Variants in PAG1 observed in about 807,000 individuals in gnomAD.
PAG1 encodes the protein phosphoprotein associated with glycosphingolipid-enriched microdomains 1.
Under a neutral mutation model 31.7 loss-of-function variants are expected in PAG1, and 23 were observed. The ratio of observed to expected loss-of-function variants is 0.73; its 90% CI spans 0.52 to 1.03. PAG1 has a LOEUF of 1.03. Among genes scored for constraint, PAG1 ranks in the 50% least tolerant of loss-of-function variants. The pLI is 0.00. For missense variants in PAG1, 473 were observed against 540.7 expected (o/e 0.87, Z 1.24); for synonymous variants, 214 against 210.3 (o/e 1.02, Z -0.15).
chr8:81,054,169 T>C (rs187884289), intron 2 of PAG1, among the ~76,000 whole-genome samples: 2 of 152,304 alleles, frequency 1.3e-5, no homozygotes, highest in Non-Finnish European at 2.9e-5. Flanking sequence ...GGCAAATTTC[T>C]ATGCTAAGAA....
chr8:81,003,612 T>C (rs752962525), intron 3 of PAG1, among the ~76,000 whole-genome samples: 4 of 152,212 alleles, frequency 2.6e-5, no homozygotes, highest in Non-Finnish European at 1.5e-5. Flanking sequence ...ACTGAATTGC[T>C]GTGTGGCCTG....
chr8:81,020,879 A>T (rs142372168), intron 3 of PAG1, among the ~76,000 whole-genome samples: 69 of 152,368 alleles, frequency 4.5e-4, no homozygotes, highest in African/African-American at 1.6e-3. Context: ...GACCTCCAAC[A>T]CACATTCAGA....
At chr8:81,067,615 A>C (rs1359708359) in intron 2 of PAG1, 1 of 152,244 alleles carries the variant, frequency 6.6e-6, no homozygotes, top group Admixed American at 6.5e-5. Context: ...AATGCGAGAC[A>C]AAAGCTGGCT....
chr8:80,986,267 C>A (rs1166640567), intron 6 of PAG1, among the ~76,000 whole-genome samples: 1 of 152,178 alleles, frequency 6.6e-6, no homozygotes, highest in African/African-American at 2.4e-5. Context: ...TGTTCTAAAT[C>A]CCTGATCATC....
chr8:81,102,914 G>C (rs1212684255), intron 1 of PAG1, among the ~76,000 whole-genome samples: 1 of 152,116 alleles, frequency 6.6e-6, no homozygotes, highest in Non-Finnish European at 1.5e-5. Context: ...AAAACCAATA[G>C]TTTAAAATTA....
chr8:81,044,784 T>C (rs1023913036), intron 2 of PAG1, among the ~76,000 whole-genome samples: 1 of 152,146 alleles, frequency 6.6e-6, no homozygotes, highest in African/African-American at 2.4e-5. Context: ...GGATGTTTCC[T>C]ATGTCAGTGC....
chr8:81,052,080 A>G (rs1808742072), intron 2 of PAG1, among the ~76,000 whole-genome samples: 2 of 151,222 alleles, frequency 1.3e-5, no homozygotes, highest in Non-Finnish European at 2.9e-5. Context: ...CGGTGAGCCG[A>G]TATCATGCCA....
intron 2 of PAG1, among the ~76,000 whole-genome samples, chr8:81,056,813 C>G (rs1479551852): frequency 6.6e-6 from 1 of 152,136 alleles, no homozygotes; most frequent in Non-Finnish European, 1.5e-5. Flanking sequence ...AATTTGCAAC[C>G]TACTCCTCTG....
At chr8:81,030,273 T>C (rs1808357461) in intron 2 of PAG1, among the ~76,000 whole-genome samples, 184 bp from the exon 3 acceptor site, 1 of 152,162 alleles carries the variant, frequency 6.6e-6, no homozygotes, top group African/African-American at 2.4e-5. Flanking sequence ...CAGTAATAAT[T>C]AAATAAAAAA....
At chr8:81,073,123 G>A (rs1019952677) in intron 1 of PAG1, among the ~76,000 whole-genome samples, 3 of 152,188 alleles carry the variant, frequency 2.0e-5, no homozygotes, top group African/African-American at 7.2e-5. Flanking sequence ...CATTTCCACT[G>A]CCAACTTGTC....
chr8:81,006,410 C>T (rs1267012548), intron 3 of PAG1, among the ~76,000 whole-genome samples: 1 of 152,206 alleles, frequency 6.6e-6, no homozygotes, highest in African/African-American at 2.4e-5. Context: ...GCCACCTCTT[C>T]CTGGTCCCTT....
rs969544386 is a variant in PAG1 at position 80,972,210 on chromosome 8, A to C, written c.*4334T>G. ...AAGCCTGTCAAGATTTCCAGGAAGT[A>C]ATCATCAGTACCTACTGTGCTTCCA... On this transcript the variant is annotated 3_prime_UTR_variant, in exon 9 of 9. Transcript: ENST00000220597. 6 of 152,230 alleles carry C rather than the reference A, an allele frequency of 3.9e-5. No individual in the cohort carries two copies. Among genetic ancestry groups the C allele is most frequent in the Admixed American group, 3.3e-4 (5 of 15,278 alleles). The allele number at this position is 152,230 out of a possible 1,614,324, so 9.4% of individuals were successfully genotyped here. A position where few individuals can be genotyped will look rare whatever the true frequency, so the allele number is the denominator to read the frequency against.
rs116155502 is a variant in PAG1 at position 81,000,168 on chromosome 8, T to C, written c.-80-6861A>G. 4.5e-3 allele frequency among the ~76,000 whole-genome samples: 692 copies of C among 152,304 alleles called. 8 individuals carry two copies. Among genetic ancestry groups the C allele is most frequent in the African/African-American group, 0.016 (662 of 41,552 alleles). ...TGTTGGCTCATCCAATCTAATTTCC[T>C]TGAGGGCAGGGATGTCTCCACCTCA... On this transcript the variant is annotated intron_variant, in intron 3 of 8. Coordinates refer to ENST00000220597, the MANE Select transcript of PAG1 (RefSeq NM_018440.4).
At chr8:81,027,537 G>A (rs1328994311) in intron 3 of PAG1, among the ~76,000 whole-genome samples, 1 of 152,118 alleles carries the variant, frequency 6.6e-6, no homozygotes, top group African/African-American at 2.4e-5. Context: ...ACACTACTAC[G>A]GATAGAATTT....
chr8:81,081,021 A>C (rs1809257227), intron 1 of PAG1, among the ~76,000 whole-genome samples: 1 of 152,148 alleles, frequency 6.6e-6, no homozygotes, highest in Non-Finnish European at 1.5e-5. Context: ...TTGGGACCAG[A>C]CTGTCCAGTC....
At chr8:81,082,194 A>G (rs1809278254) in intron 1 of PAG1, among the ~76,000 whole-genome samples, 1 of 146,228 alleles carries the variant, frequency 6.8e-6, no homozygotes, top group Non-Finnish European at 1.5e-5. Flanking sequence ...CAGAGGTTGC[A>G]GTGAGCCGAG....
chr8:81,007,636 C>CAAAAAAAA (rs58612249), intron 3 of PAG1, among the ~76,000 whole-genome samples: 1 of 49,722 alleles, frequency 2.0e-5, no homozygotes, highest in Non-Finnish European at 3.3e-5. Context: ...GACTCTGTCT[C>CAAAAAAAA]AAAAAAAAAA....
intron 1 of PAG1, among the ~76,000 whole-genome samples, chr8:81,077,247 T>C (rs4537257): frequency 0.64 from 97,475 of 152,090 alleles, 32,572 homozygotes; most frequent in East Asian, 0.85. Context: ...AGAGAACCAT[T>C]AAGTTCAACT....
chr8:80,982,112 C>T (rs1379290210), intron 7 of PAG1, among the ~76,000 whole-genome samples: 1 of 152,078 alleles, frequency 6.6e-6, no homozygotes, highest in Non-Finnish European at 1.5e-5. Context: ...GTGATCCACC[C>T]ACCTCGGCCT....
Sources: gnomAD v4.1 joint callset for allele counts (sites outside exome capture counted in the v4.1 genomes callset) on GRCh38, gnomAD v4.1.1 for gene constraint, MANE v1.5 for transcripts, NCBI Gene and HGNC (gene_info 2026-07-23, HGNC 2026-07-21) for gene names.